Variants in TRAM2 observed in about 807,000 individuals in gnomAD.
TRAM2 encodes translocation associated membrane protein 2.
A neutral mutation model predicts 51.0 loss-of-function variants in TRAM2; 12 were observed. That is an observed-to-expected ratio of 0.24 (90% confidence interval 0.15 to 0.38). The LOEUF (loss-of-function observed/expected upper bound fraction) is 0.38. Among genes scored for constraint, TRAM2 ranks in the 10% least tolerant of loss-of-function variants. The pLI is 1.00. For synonymous variants in TRAM2, 175 were observed against 179.4 expected (o/e 0.98, Z 0.20); for missense variants, 361 against 462.0 (o/e 0.78, Z 2.00).
At chr6:52,564,865 G>A (rs921754395) in intron 1 of TRAM2, among the ~76,000 whole-genome samples, 2 of 152,196 alleles carry the variant, frequency 1.3e-5, no homozygotes. Flanking sequence ...CGCGTTCTGA[G>A]CAGGTGGTGC....
In TRAM2 at chr6:52,544,639, G is replaced by A. The variant is rs138209523; in HGVS notation, c.121-8793C>T. On this transcript the variant is annotated intron_variant, in intron 1 of 10. Transcript: ENST00000182527. ...AATGACCACCTACGTGAGGGAACCC[G>A]ATAAGCAGAACTTCATGATGATGAT... Among the ~76,000 whole-genome samples the A allele has an allele frequency of 4.1e-3, 632 of 152,332 alleles. 11 individuals are homozygous for A. The South Asian group carries it at 0.063, about 15-fold the overall frequency.
intron 5 of TRAM2, among the ~76,000 whole-genome samples, chr6:52,508,963 G>A (rs956408070): frequency 8.5e-5 from 13 of 152,192 alleles, no homozygotes; most frequent in African/African-American, 3.1e-4. Context: ...AAACCCAGGA[G>A]GTGGAGGTTG....
In TRAM2 at chr6:52,499,427, GA is replaced by G. The variant is rs1335291591; in HGVS notation, c.*3769del. ...TTCCCTACCTCTCACACCAGGCCTA[GA>G]AAAACCAACTAGGAAGGCTGAAGCA... is the stretch of plus-strand genomic sequence containing the variant. On this transcript the variant is annotated 3_prime_UTR_variant, in exon 11 of 11. Coordinates refer to ENST00000182527, the MANE Select transcript of TRAM2 (RefSeq NM_012288.4). 1 of 152,160 alleles carries G rather than the reference GA, an allele frequency of 6.6e-6. No individual in the cohort carries two copies. Among genetic ancestry groups the G allele is most frequent in the Non-Finnish European group, 1.5e-5 (1 of 68,042 alleles). 9.4% of individuals were successfully genotyped at this position (152,160 alleles called of 1,614,324 possible).
At chr6:52,524,196 C>T (rs1413168031) in intron 2 of TRAM2, 1 of 152,028 alleles carries the variant, frequency 6.6e-6, no homozygotes, top group African/African-American at 2.4e-5. Flanking sequence ...GCTAGAGCTG[C>T]ATTAAACCTC....
Position 52,504,769 on chromosome 6 carries a change from G to T in TRAM2, c.876-15C>A. ...GCACGCAGAGCCTGCAGAGCAGGGG[G>T]TTAGGGGCTTAGGCTGGGGCTTGGG... On this transcript the variant is annotated splice_polypyrimidine_tract_variant and intron_variant, in intron 9 of 10. Coordinates refer to ENST00000182527, the MANE Select transcript of TRAM2 (RefSeq NM_012288.4). 2 of 1,588,980 alleles carry T rather than the reference G, an allele frequency of 1.3e-6. No individual in the cohort carries two copies. The highest frequency in any genetic ancestry group is 8.5e-7 in the Non-Finnish European group (1 of 1,170,508).
At chr6:52,560,045 A>G (rs1257291225) in intron 1 of TRAM2, among the ~76,000 whole-genome samples, 1 of 152,190 alleles carries the variant, frequency 6.6e-6, no homozygotes, top group Non-Finnish European at 1.5e-5. Flanking sequence ...GTTCCAGACC[A>G]GCCTGGCCAA....
At chr6:52,516,506 CA>C in intron 3 of TRAM2, 121 bp downstream of exon 3, 1 of 813,082 alleles carries the variant, frequency 1.2e-6, no homozygotes, top group Non-Finnish European at 2.1e-6. Context: ...GCAATAGACC[CA>C]ACCAGTGCAA....
chr6:52,573,431 A>T (rs1767712845), intron 1 of TRAM2, among the ~76,000 whole-genome samples: 1 of 152,222 alleles, frequency 6.6e-6, no homozygotes, highest in Non-Finnish European at 1.5e-5. Flanking sequence ...AACGGTGGAA[A>T]GGAAGGAGGG....
chr6:52,507,177 C>A (rs1355868013), intron 7 of TRAM2, among the ~76,000 whole-genome samples: 1 of 152,192 alleles, frequency 6.6e-6, no homozygotes, highest in Non-Finnish European at 1.5e-5. Flanking sequence ...GCATTGGACA[C>A]TGTGAGGTAA....
At chr6:52,565,668 T>TCTTCATGTTATCA (rs1767578804) in intron 1 of TRAM2, among the ~76,000 whole-genome samples, 2 of 152,238 alleles carry the variant, frequency 1.3e-5, no homozygotes, top group Admixed American at 1.3e-4. Flanking sequence ...CCACCAGTCC[T>TCTTCATGTTATCA]CTTCATGTTA....
chr6:52,547,989 T>C lies in TRAM2; in HGVS notation c.121-12143A>G, dbSNP rs1767240970. Among the ~76,000 whole-genome samples the C allele has an allele frequency of 7.2e-5, 11 of 152,380 alleles. 1 individual carries two copies. The South Asian group carries it at 2.3e-3, about 32-fold the overall frequency. On this transcript the variant is annotated intron_variant, in intron 1 of 10. Transcript: ENST00000182527. ...TATGTCATGGAAAGCATTAGAAGTA[T>C]GGTGTGTTTGTGTGCTTATGTTCAT... is the stretch of plus-strand genomic sequence containing the variant.
At chr6:52,508,346 G>T in intron 5 of TRAM2, 28 bp from the exon 6 acceptor site, 2 of 1,606,656 alleles carry the variant, frequency 1.2e-6, no homozygotes, top group Non-Finnish European at 1.7e-6. Context: ...AGTCACACGG[G>T]CAGGATAGAG....
intron 1 of TRAM2, among the ~76,000 whole-genome samples, chr6:52,561,458 A>G (rs959491680): frequency 2.7e-5 from 4 of 146,028 alleles, no homozygotes; most frequent in Non-Finnish European, 6.0e-5. Flanking sequence ...AATTTCTTTT[A>G]TACTTTAGTA....
intron 1 of TRAM2, among the ~76,000 whole-genome samples, chr6:52,557,785 T>G (rs1221972509): frequency 6.6e-6 from 1 of 152,104 alleles, no homozygotes; most frequent in East Asian, 1.9e-4. Context: ...TTTCAAGAGG[T>G]CTCCATGGAA....
chr6:52,548,632 T>A (rs1767251989), intron 1 of TRAM2, among the ~76,000 whole-genome samples: 1 of 152,220 alleles, frequency 6.6e-6, no homozygotes, highest in South Asian at 2.1e-4. Context: ...ACACAGTTAA[T>A]AAGCCCCAGA....
chr6:52,549,707 G>T (rs1428657187), intron 1 of TRAM2, among the ~76,000 whole-genome samples: 2 of 152,118 alleles, frequency 1.3e-5, no homozygotes, highest in East Asian at 3.9e-4. Flanking sequence ...AAATCACTGG[G>T]GCAAGAGAAG....
chr6:52,523,803 A>T (rs1766722219), intron 2 of TRAM2: 1 of 152,258 alleles, frequency 6.6e-6, no homozygotes, highest in African/African-American at 2.4e-5. Context: ...AATGGAAACA[A>T]CCCATGTTGT....
Position 52,504,605 on chromosome 6 carries a change from A to G in TRAM2, c.1025T>C (p.Ile342Thr), listed in dbSNP as rs1412359278. The G allele has an allele frequency of 1.2e-6, 2 of 1,614,012 alleles. No homozygotes were observed. Among genetic ancestry groups the G allele is most frequent in the Non-Finnish European group, 8.5e-7 (1 of 1,180,028 alleles). ...PATPRLPARL[I>T]KRESGYHENG... ...CTGGCACTCACCAGATTCCCTCTTG[A>G]TGAGCCTGGCTGGTAGTCTGGGTGT... is the stretch of plus-strand genomic sequence containing the variant. Residue 342 changes from isoleucine to threonine, a missense_variant, in exon 10 of 11, where the codon ATC (isoleucine) becomes ACC (threonine). Ile to Thr is a moderately conservative substitution (Grantham distance 89, BLOSUM62 -1). Coordinates refer to ENST00000182527, the MANE Select transcript of TRAM2 (RefSeq NM_012288.4).
chr6:52,542,071 C>A (rs1271776791), intron 1 of TRAM2, among the ~76,000 whole-genome samples: 1 of 152,052 alleles, frequency 6.6e-6, no homozygotes, highest in Non-Finnish European at 1.5e-5. Context: ...CCTGCTGAGG[C>A]TGGGAAATTA....
Sources: gnomAD v4.1 joint callset for allele counts (sites outside exome capture counted in the v4.1 genomes callset) on GRCh38, gnomAD v4.1.1 for gene constraint, MANE v1.5 for transcripts, NCBI Gene and HGNC (gene_info 2026-07-23, HGNC 2026-07-21) for gene names.